MIA2: variants seen among roughly 807,000 people sequenced by gnomAD.
MIA2 encodes MIA SH3 domain ER export factor 2, also known as melanoma inhibitory activity protein 2.
Under a neutral mutation model 167.8 loss-of-function variants are expected in MIA2, and 127 were observed. The observed-to-expected ratio is 0.76, with a 90% CI of 0.66 to 0.88. The LOEUF is 0.88. Among genes scored for constraint, MIA2 ranks in the 40% least tolerant of loss-of-function variants. MIA2 has a pLI of 0.00. For synonymous variants in MIA2, 552 were observed against 541.9 expected (o/e 1.02, Z -0.26); for missense variants, 1,690 against 1,624.7 (o/e 1.04, Z -0.69).
At chr14:39,381,027 A>AAC (rs59882169) in intron 23 of MIA2, among the ~76,000 whole-genome samples, 2,827 of 151,366 alleles carry the variant, frequency 0.019, 96 homozygotes, top group African/African-American at 0.066. Flanking sequence ...AAAAACAAAA[A>AAC]AAAAAAAAAC....
intron 25 of MIA2, among the ~76,000 whole-genome samples, chr14:39,337,638 C>T (rs894354285): frequency 2.6e-5 from 4 of 152,238 alleles, no homozygotes; most frequent in Non-Finnish European, 4.4e-5. Context: ...TTGATACATG[C>T]AACAATTTGG....
At chr14:39,241,873 C>T (rs906966047) in intron 3 of MIA2, among the ~76,000 whole-genome samples, 4 of 152,168 alleles carry the variant, frequency 2.6e-5, no homozygotes, top group African/African-American at 9.7e-5. Flanking sequence ...GTGCCACTCT[C>T]CCCTCACTCA....
chr14:39,243,149 A>C, intron 3 of MIA2, among the ~76,000 whole-genome samples: 1 of 151,836 alleles, frequency 6.6e-6, no homozygotes, highest in East Asian at 1.9e-4. Context: ...GAAGACAAAG[A>C]AAAAAGAAGC....
At chr14:39,346,702 T>A (rs2073338144) in intron 26 of MIA2, among the ~76,000 whole-genome samples, 2 of 148,742 alleles carry the variant, frequency 1.3e-5, no homozygotes, top group Non-Finnish European at 3.0e-5. Flanking sequence ...ATATATAATT[T>A]TAAAAATATT....
chr14:39,307,290 G>A (rs2063495403), intron 17 of MIA2, among the ~76,000 whole-genome samples: 1 of 151,266 alleles, frequency 6.6e-6, no homozygotes, highest in South Asian at 2.1e-4. Flanking sequence ...ACCTTCCTGA[G>A]AACTTTAGTG....
At chr14:39,238,793 C>CAAAAAAAAAAAAAAAAAAAAAA (rs769534317) in intron 2 of MIA2, among the ~76,000 whole-genome samples, 1,141 of 30,652 alleles carry the variant, frequency 0.037, 160 homozygotes, top group East Asian at 0.13. Context: ...GACCCTGTCT[C>CAAAAAAAAAAAAAAAAAAAAAA]AAAAAAAAAA....
At chr14:39,338,514 T>C (rs2071006601) in intron 25 of MIA2, among the ~76,000 whole-genome samples, 1 of 152,200 alleles carries the variant, frequency 6.6e-6, no homozygotes, top group African/African-American at 2.4e-5. Context: ...ATAAGTTTAA[T>C]TAGAAAACTT....
intron 12 of MIA2, 53 bp from the exon 13 acceptor site, chr14:39,294,872 G>T: frequency 1.7e-6 from 2 of 1,170,398 alleles, no homozygotes; most frequent in South Asian, 2.5e-5. Context: ...GTGTAAAGAT[G>T]AGCTATGTAT....
At chr14:39,302,291 T>G in intron 15 of MIA2, 42 bp downstream of exon 15, 1 of 1,603,212 alleles carries the variant, frequency 6.2e-7, no homozygotes, top group Non-Finnish European at 8.5e-7. Context: ...AAATGGTGAC[T>G]AGCTCTTCTA....
rs957079937 is a variant in MIA2 at position 39,264,173 on chromosome 14, G to T, written c.1887+11002G>T. Among the ~76,000 whole-genome samples the T allele has an allele frequency of 3.5e-4, 53 of 152,100 alleles. 1 individual carries two copies. The highest frequency in any genetic ancestry group is 1.6e-4 in the Non-Finnish European group (11 of 68,022). On this transcript the variant is annotated intron_variant, in intron 6 of 28. Transcript: ENST00000640607. ...GTCTGTACGTACCCAAGATTTAGCT[G>T]CCACTTATAAGTGAGAACATGTGAT...
chr14:39,299,800 T>C, intron 13 of MIA2, 64 bp from the exon 14 acceptor site: 1 of 1,530,502 alleles, frequency 6.5e-7, no homozygotes, highest in Non-Finnish European at 8.7e-7. Context: ...ACATAATGCC[T>C]TCTTGGTATC....
At chr14:39,351,390 AC>A (rs1376382537), downstream of MIA2, 1 of 151,244 alleles carries the variant, frequency 6.6e-6, no homozygotes, top group African/African-American at 2.4e-5. Flanking sequence ...AAAAAAAAAA[AC>A]AAAAAACAAA....
intron 19 of MIA2, 139 bp from the exon 20 acceptor site, chr14:39,314,600 G>C: frequency 1.9e-6 from 1 of 515,456 alleles, no homozygotes; most frequent in Non-Finnish European, 3.2e-6. Flanking sequence ...TCTTAATGTG[G>C]AGTTCTGGAG....
chr14:39,290,287 C>CA (rs1393862047), intron 9 of MIA2, among the ~76,000 whole-genome samples: 2 of 152,134 alleles, frequency 1.3e-5, no homozygotes, highest in Non-Finnish European at 2.9e-5. Flanking sequence ...CACAAATTCT[C>CA]ACTGTTTTGA....
intron 23 of MIA2, among the ~76,000 whole-genome samples, chr14:39,374,600 T>A (rs932607917): frequency 2.0e-5 from 3 of 151,964 alleles, no homozygotes; most frequent in Non-Finnish European, 4.4e-5. Context: ...ATAAATATTT[T>A]GCTTAACCAG....
At chr14:39,329,979 C>T (rs1342020139) in intron 25 of MIA2, among the ~76,000 whole-genome samples, 1 of 152,138 alleles carries the variant, frequency 6.6e-6, no homozygotes, top group African/African-American at 2.4e-5. Flanking sequence ...TGATGCTGAC[C>T]TCATAAAATG....
chr14:39,313,641 A>G (rs2064769307), intron 19 of MIA2, among the ~76,000 whole-genome samples, 200 bp downstream of exon 19: 1 of 152,184 alleles, frequency 6.6e-6, no homozygotes, highest in African/African-American at 2.4e-5. Flanking sequence ...CAGAAAATAT[A>G]AAGAGGAAAA....
chr14:39,331,074 A>G (rs1384823009), intron 25 of MIA2, among the ~76,000 whole-genome samples: 1 of 152,060 alleles, frequency 6.6e-6, no homozygotes, highest in Non-Finnish European at 1.5e-5. Flanking sequence ...GTCTCCCACT[A>G]TTATTGTGTG....
At chr14:39,242,497 A>G (rs1594631414) in intron 3 of MIA2, among the ~76,000 whole-genome samples, 1 of 151,742 alleles carries the variant, frequency 6.6e-6, no homozygotes, top group Non-Finnish European at 1.5e-5. Context: ...TATTTTTTGT[A>G]TTTTTAGTAG....
Sources: gnomAD v4.1 joint callset for allele counts (sites outside exome capture counted in the v4.1 genomes callset) on GRCh38, gnomAD v4.1.1 for gene constraint, MANE v1.5 for transcripts, NCBI Gene and HGNC (gene_info 2026-07-23, HGNC 2026-07-21) for gene names.